The following CAMTA1 variants were observed in gnomAD, a reference collection of about 807,000 sequenced individuals.
CAMTA1 encodes calmodulin binding transcription activator 1.
Under a neutral mutation model 170.9 loss-of-function variants are expected in CAMTA1, and 27 were observed. The observed-to-expected ratio is 0.16, with a 90% CI of 0.12 to 0.22. The LOEUF (loss-of-function observed/expected upper bound fraction) is 0.22. Among genes scored for constraint, CAMTA1 ranks in the 10% least tolerant of loss-of-function variants. The probability of loss-of-function intolerance (pLI) is 1.00; values close to 1 mark genes in which losing one functional copy is unlikely to be tolerated. For synonymous variants in CAMTA1, 833 were observed against 891.5 expected, an observed-to-expected ratio of 0.93 and a Z score of 1.17; for missense variants, 1,619 against 2,217.2, an observed-to-expected ratio of 0.73 and a Z score of 5.42.
chr1:7,223,871 G>T (rs1661238459), intron 4 of CAMTA1, among the ~76,000 whole-genome samples: 1 of 152,132 alleles, frequency 6.6e-6, no homozygotes, highest in Non-Finnish European at 1.5e-5. Flanking sequence ...TTTATTAGAT[G>T]TATTTACATG....
intron 5 of CAMTA1, among the ~76,000 whole-genome samples, chr1:7,326,192 A>T (rs1679238092): frequency 6.6e-6 from 1 of 152,228 alleles, no homozygotes; most frequent in Admixed American, 6.5e-5. Flanking sequence ...TTAAGCTTAT[A>T]CAATTTTGAG....
intron 3 of CAMTA1, among the ~76,000 whole-genome samples, chr1:7,080,658 C>A (rs1639882708): frequency 6.6e-6 from 1 of 152,102 alleles, no homozygotes; most frequent in Admixed American, 6.6e-5. Context: ...CCTCAGCCTC[C>A]CAAATAGCTG....
chr1:6,869,184 C>CT (rs1667665347), intron 3 of CAMTA1, among the ~76,000 whole-genome samples: 1 of 152,142 alleles, frequency 6.6e-6, no homozygotes, highest in Non-Finnish European at 1.5e-5. Flanking sequence ...AGGGAGGCTT[C>CT]TGGAAGAGAG....
chr1:7,392,571 C>T (rs2088843484), intron 5 of CAMTA1, among the ~76,000 whole-genome samples: 1 of 92,424 alleles, frequency 1.1e-5, no homozygotes, highest in Admixed American at 1.3e-4. Context: ...CCCATCTTTA[C>T]AATTTTTTTT....
intron 5 of CAMTA1, among the ~76,000 whole-genome samples, chr1:7,411,411 G>C (rs2796487): frequency 1 from 152,147 of 152,162 alleles, 76,066 homozygotes; most frequent in Middle Eastern, 1. Flanking sequence ...TGGTGACACG[G>C]CCCTGTAATC....
At chr1:7,214,040 G>C (rs1208505053) in intron 4 of CAMTA1, among the ~76,000 whole-genome samples, 4 of 152,136 alleles carry the variant, frequency 2.6e-5, no homozygotes, top group Non-Finnish European at 4.4e-5. Flanking sequence ...CCAAGTCTTT[G>C]CTATTGTGAA....
rs200702406 is a variant in CAMTA1 at position 7,526,543 on chromosome 1, C to T, written c.510+58642C>T. ...GAGCTGGCCTCGTCGGGGTTCAGAA[C>T]AAAGCAGCAAGAGCCATTGGAAGGC... is the stretch of plus-strand genomic sequence containing the variant. On this transcript the variant is annotated intron_variant, in intron 6 of 22. Transcript: ENST00000303635. 6.4e-4 allele frequency among the ~76,000 whole-genome samples: 97 copies of T among 152,342 alleles called. 1 individual carries two copies. In the East Asian group the frequency reaches 0.012, roughly 19 times the overall value.
intron 5 of CAMTA1, among the ~76,000 whole-genome samples, chr1:7,301,836 T>C (rs1674812806): frequency 6.6e-6 from 1 of 152,154 alleles, no homozygotes; most frequent in Non-Finnish European, 1.5e-5. Flanking sequence ...CACAGAGGCC[T>C]CCACCTGTCC....
chr1:7,731,078 T>G (rs1577252800), intron 11 of CAMTA1, among the ~76,000 whole-genome samples: 1 of 151,856 alleles, frequency 6.6e-6, no homozygotes, highest in African/African-American at 2.4e-5. Flanking sequence ...AATTCTAACA[T>G]GTGTATGTTT....
intron 3 of CAMTA1, among the ~76,000 whole-genome samples, chr1:6,872,561 C>T (rs1668703103): frequency 6.6e-6 from 1 of 152,156 alleles, no homozygotes; most frequent in Non-Finnish European, 1.5e-5. Flanking sequence ...TTTGTCTCTG[C>T]CAAAACCTGG....
intron 9 of CAMTA1, among the ~76,000 whole-genome samples, chr1:7,666,637 C>T (rs1406983693): frequency 6.6e-6 from 1 of 152,238 alleles, no homozygotes; most frequent in Non-Finnish European, 1.5e-5. Context: ...ACATGCACCA[C>T]GGGCCCTGAT....
intron 9 of CAMTA1, among the ~76,000 whole-genome samples, chr1:7,668,067 C>G (rs957821823): frequency 6.6e-6 from 1 of 152,176 alleles, no homozygotes; most frequent in Non-Finnish European, 1.5e-5. Context: ...GTCTGGCCCT[C>G]GTCCTGTCCC....
chr1:7,268,775 T>C (rs547671839), intron 5 of CAMTA1, among the ~76,000 whole-genome samples: 1 of 152,150 alleles, frequency 6.6e-6, no homozygotes, highest in South Asian at 2.1e-4. Flanking sequence ...ACTAAACATA[T>C]AAGGAAACAG....
At chr1:7,398,150 T>C (rs71637381) in intron 5 of CAMTA1, among the ~76,000 whole-genome samples, 1 of 126,604 alleles carries the variant, frequency 7.9e-6, no homozygotes, top group East Asian at 2.2e-4. Flanking sequence ...GATATAATAA[T>C]ATTGCTCTCT....
At chr1:7,323,161 A>C (rs1188587353) in intron 5 of CAMTA1, among the ~76,000 whole-genome samples, 2 of 151,922 alleles carry the variant, frequency 1.3e-5, no homozygotes, top group Non-Finnish European at 2.9e-5. Context: ...TTTTTTCCTC[A>C]AAGTACTACT....
rs139458274 is a variant in CAMTA1 at position 6,976,515 on chromosome 1, A to G, written c.235-114789A>G. Among the ~76,000 whole-genome samples, 463 of 152,268 alleles carry G rather than the reference A, an allele frequency of 3.0e-3. 2 individuals are homozygous for G. Among genetic ancestry groups the G allele is most frequent in the African/African-American group, 0.01 (430 of 41,558 alleles). Reference sequence around the variant, plus strand: ...AAGGGATCCCACAGAATCCATCTTTATGGAATCTACCTTTCAGAGAGAGCA... The same window carrying G: ...AAGGGATCCCACAGAATCCATCTTTGTGGAATCTACCTTTCAGAGAGAGCA... On this transcript the variant is annotated intron_variant, in intron 3 of 22. Coordinates refer to ENST00000303635, the MANE Select transcript of CAMTA1 (RefSeq NM_015215.4).
Position 7,739,192 on chromosome 1 carries a change from C to T in CAMTA1, c.4182+710C>T, listed in dbSNP as rs191795067. Reference sequence around the variant, plus strand: ...CTCTCTTTCCAACTTCCCATTGATGCAACCTAAAACAAACGTAAAAGGGAA... The same window carrying T: ...CTCTCTTTCCAACTTCCCATTGATGTAACCTAAAACAAACGTAAAAGGGAA... On this transcript the variant is annotated intron_variant, in intron 16 of 22. Coordinates refer to ENST00000303635, the MANE Select transcript of CAMTA1 (RefSeq NM_015215.4). Among the ~76,000 whole-genome samples, 8 of 148,824 alleles carry T rather than the reference C, an allele frequency of 5.4e-5. No homozygotes were observed. In the East Asian group the frequency reaches 1.5e-3, roughly 28 times the overall value.
At position 7,605,084 on chromosome 1, in the gene CAMTA1, G is replaced by A. The variant is rs370838241; in HGVS notation, c.511-35316G>A. 4.6e-5 allele frequency among the ~76,000 whole-genome samples: 7 copies of A among 152,304 alleles called. No homozygotes were observed. In the East Asian group the frequency reaches 9.7e-4, roughly 21 times the overall value. On this transcript the variant is annotated intron_variant, in intron 6 of 22. Coordinates refer to ENST00000303635, the MANE Select transcript of CAMTA1 (RefSeq NM_015215.4). Reference sequence around the variant, plus strand: ...ACCCGGCCGGCTGTGTGAGGTGTCAGTCTACCCCTACTAGGGGGTGCCTCC... The same window carrying A: ...ACCCGGCCGGCTGTGTGAGGTGTCAATCTACCCCTACTAGGGGGTGCCTCC...
At chr1:7,727,560 A>G (rs2096699629) in intron 11 of CAMTA1, among the ~76,000 whole-genome samples, 1 of 152,248 alleles carries the variant, frequency 6.6e-6, no homozygotes, top group Non-Finnish European at 1.5e-5. Flanking sequence ...TAGGTGCTCC[A>G]GTGAATATTT....
Sources: gnomAD v4.1 joint callset for allele counts (sites outside exome capture counted in the v4.1 genomes callset) on GRCh38, gnomAD v4.1.1 for gene constraint, MANE v1.5 for transcripts, NCBI Gene and HGNC (gene_info 2026-07-23, HGNC 2026-07-21) for gene names.